The following HERPUD1 variants were observed in gnomAD, a reference collection of about 807,000 sequenced individuals.
The protein encoded by HERPUD1 is homocysteine inducible ER protein with ubiquitin like domain 1.
In HERPUD1, 17 loss-of-function variants were observed where a neutral mutation model predicts 45.0. The observed-to-expected ratio is 0.38, with a 90% confidence interval of 0.26 to 0.57. The LOEUF is 0.57. Ranked by LOEUF, HERPUD1 falls within the 20% of genes least tolerant of loss-of-function variation. HERPUD1 has a pLI of 0.72. For synonymous variants in HERPUD1, 164 were observed against 177.5 expected (o/e 0.92, Z 0.61); for missense variants, 420 against 490.5 (o/e 0.86, Z 1.36).
At position 56,943,916 on chromosome 16, in the gene HERPUD1, C is replaced by T. The variant is rs1433087725; in HGVS notation, c.*626C>T. 7 of 187,010 alleles carry T rather than the reference C, an allele frequency of 3.7e-5. No homozygotes were observed. The highest frequency in any genetic ancestry group is 1.6e-4 in the South Asian group (1 of 6,068). The allele number at this position is 187,010 out of a possible 1,614,324, so 11.6% of individuals were successfully genotyped here. On this transcript the variant is annotated 3_prime_UTR_variant, in exon 8 of 8. Coordinates refer to ENST00000439977, the MANE Select transcript of HERPUD1 (RefSeq NM_014685.4). ...CCTGTCATCCTAGCAGTTTACTCTG[C>T]GTTTGTTGTATCTAGACAGTCAACA... is the stretch of plus-strand genomic sequence containing the variant.
chr16:56,934,479 C>A (rs1366505711), intron 1 of HERPUD1, among the ~76,000 whole-genome samples: 3 of 152,014 alleles, frequency 2.0e-5, no homozygotes, highest in African/African-American at 7.3e-5. Context: ...CATTTGTATG[C>A]CAGGAAATTG....
intron 4 of HERPUD1, 170 bp downstream of exon 4, chr16:56,936,987 A>G: frequency 3.6e-6 from 2 of 559,424 alleles, no homozygotes; most frequent in Admixed American, 7.3e-5. Flanking sequence ...AACTTTTCTT[A>G]ATACACAGCC....
At chr16:56,942,826 CAG>C (rs1417815348) in intron 7 of HERPUD1, among the ~76,000 whole-genome samples, 1 of 152,120 alleles carries the variant, frequency 6.6e-6, no homozygotes, top group African/African-American at 2.4e-5. Flanking sequence ...GCCTGGGTGA[CAG>C]AGCGAGACTC....
At chr16:56,932,543 C>T (rs1567458767) in intron 1 of HERPUD1, 152 bp downstream of exon 1, 1 of 725,640 alleles carries the variant, frequency 1.4e-6, no homozygotes, top group Non-Finnish European at 2.2e-6. Flanking sequence ...GTCTCCCCTT[C>T]CCTGCCCCGC....
chr16:56,943,496 C>G lies in HERPUD1; in HGVS notation c.*206C>G, dbSNP rs575467301. 12 of 643,128 alleles carry G rather than the reference C, an allele frequency of 1.9e-5. No individual in the cohort carries two copies. In the African/African-American group the frequency reaches 2.0e-4, roughly 11 times the overall value. 39.8% of individuals were successfully genotyped at this position (643,128 alleles called of 1,614,324 possible). A position where few individuals can be genotyped will look rare whatever the true frequency, so the allele number is the denominator to read the frequency against. On this transcript the variant is annotated 3_prime_UTR_variant, in exon 8 of 8. Transcript: ENST00000439977. ...AAAAAATGCCCAAGGCTTCTCATGT[C>G]TTTATTCTGAAGAGCTTTAATATAT...
chr16:56,932,870 G>A (rs116384517), intron 1 of HERPUD1, among the ~76,000 whole-genome samples: 1,789 of 152,218 alleles, frequency 0.012, 38 homozygotes, highest in African/African-American at 0.041. Flanking sequence ...TCTCCTCCCT[G>A]GCCACCTTCC....
In HERPUD1 at chr16:56,939,117, T is replaced by A. The variant is rs374820432; in HGVS notation, c.432-120T>A. The A allele has an allele frequency of 3.5e-5, 39 of 1,102,230 alleles. 1 individual carries two copies. In the South Asian group the frequency reaches 5.2e-4, roughly 15 times the overall value. 68.3% of individuals were successfully genotyped at this position (1,102,230 alleles called of 1,614,324 possible). On this transcript the variant is annotated intron_variant, in intron 4 of 7. Transcript: ENST00000439977. ...GTCATACAGTCATTTACCATGTAAC[T>A]GCCGTAAATTCCATTCTTCTGTCTC...
At chr16:56,936,838 CT>C (rs1336323440) in intron 4 of HERPUD1, 21 bp downstream of exon 4, 1 of 1,611,464 alleles carries the variant, frequency 6.2e-7, no homozygotes, top group Non-Finnish European at 8.5e-7. Flanking sequence ...TAATAAAGAT[CT>C]TGGCTTATGC....
At position 56,939,261 on chromosome 16, in the gene HERPUD1, C is replaced by G; in HGVS notation, c.456C>G (p.Phe152Leu). ...ISRPEAAQQA[F>L]QGLGPGFSGY... ...GGCCTGAAGCTGCCCAGCAGGCATT[C>G]CAAGGCCTGGGTCCTGGTTTCTCCG... The change falls in exon 5 of 8, where the codon TTC (phenylalanine) becomes TTG (leucine). Residue 152 changes from phenylalanine (F) to leucine (L), a missense_variant. Coordinates refer to ENST00000439977, the MANE Select transcript of HERPUD1 (RefSeq NM_014685.4). The G allele has an allele frequency of 6.2e-7, 1 of 1,614,182 alleles. No homozygotes were observed. The highest frequency in any genetic ancestry group is 8.5e-7 in the Non-Finnish European group (1 of 1,180,016).
rs1282275184 is a variant in HERPUD1, at chr16:56,939,323, T to A, written c.518T>A (p.Phe173Tyr). The change falls in exon 5 of 8, where the codon TTC becomes TAC. Residue 173 changes from phenylalanine (F) to tyrosine (Y), a missense_variant. Transcript: ENST00000439977. The stretch of plus-strand genomic sequence containing the variant: ...TATGGGTGGCTTCAGCTTTCCTGGT[T>A]CCAGCAGATATATGCACGACAGTAC... ...TPYGWLQLSW[F>Y]QQIYARQYYM... 2 of 1,614,234 alleles carry A rather than the reference T, an allele frequency of 1.2e-6. No homozygotes were observed. The highest frequency in any genetic ancestry group is 3.3e-5 in the Admixed American group (2 of 60,032).
intron 1 of HERPUD1, among the ~76,000 whole-genome samples, chr16:56,933,673 T>C (rs1241003723): frequency 2.0e-5 from 3 of 152,242 alleles, no homozygotes; most frequent in African/African-American, 7.2e-5. Flanking sequence ...GAAACATACT[T>C]ATCATTTGTT....
intron 4 of HERPUD1, among the ~76,000 whole-genome samples, chr16:56,938,430 G>A (rs1269987018): frequency 6.6e-6 from 1 of 152,158 alleles, no homozygotes; most frequent in African/African-American, 2.4e-5. Context: ...AGGTGTGGTG[G>A]CGTGTGCCCG....
intron 4 of HERPUD1, among the ~76,000 whole-genome samples, chr16:56,938,477 G>T (rs1159864705): frequency 1.3e-5 from 2 of 151,776 alleles, no homozygotes; most frequent in Non-Finnish European, 2.9e-5. Flanking sequence ...GCAGGAGAAT[G>T]GTGTGAATCC....
At chr16:56,932,435 G>GC (rs1158266029) in intron 1 of HERPUD1, 44 bp downstream of exon 1, 15 of 1,472,404 alleles carry the variant, frequency 1.0e-5, no homozygotes, top group Non-Finnish European at 1.3e-5. Context: ...GTGGCCCCCC[G>GC]CCCTCTGCTG....
Position 56,943,539 on chromosome 16 carries a change from A to C in HERPUD1, c.*249A>C, listed in dbSNP as rs185612063. ...TAATATATACTCTATGTAGTTTAATAAGCACTGTACGTAGAAGGCCTTAGG... is the reference window on the plus strand; with the variant it reads ...TAATATATACTCTATGTAGTTTAATCAGCACTGTACGTAGAAGGCCTTAGG... On this transcript the variant is annotated 3_prime_UTR_variant, in exon 8 of 8. Transcript: ENST00000439977. 9.2e-6 allele frequency: 5 copies of C among 545,752 alleles called. No individual in the cohort carries two copies. The East Asian group carries it at 1.6e-4, about 17-fold the overall frequency. 33.8% of individuals were successfully genotyped at this position (545,752 alleles called of 1,614,324 possible).
chr16:56,939,070 T>C, intron 4 of HERPUD1, 167 bp from the exon 5 acceptor site: 2 of 675,484 alleles, frequency 3.0e-6, no homozygotes. Flanking sequence ...TAGTACCTTC[T>C]GTGCTTGTGG....
rs1384071092 is a variant in HERPUD1, at chr16:56,940,370, A to G, written c.905+125A>G. The G allele has an allele frequency of 5.8e-6, 4 of 689,356 alleles. No individual in the cohort carries two copies. In the East Asian group the frequency reaches 7.8e-5, roughly 13 times the overall value. The allele number at this position is 689,356 out of a possible 1,614,324, so 42.7% of individuals were successfully genotyped here. A position where few individuals can be genotyped will look rare whatever the true frequency, so the allele number is the denominator to read the frequency against. ...GCTCTGTCATTCAGGCTGGAGTACA[A>G]TGGCACAATCACTGCAATCTCCGCT... On this transcript the variant is annotated intron_variant, in intron 6 of 7. Transcript: ENST00000439977.
chr16:56,938,886 T>C (rs2055887087), intron 4 of HERPUD1, among the ~76,000 whole-genome samples: 2 of 152,178 alleles, frequency 1.3e-5, no homozygotes, highest in Non-Finnish European at 2.9e-5. Context: ...TTTGAGCTGC[T>C]CTCTAAAAGA....
rs773486898 is a variant in HERPUD1, at chr16:56,935,300, C to T, written c.213C>T (p.Asp71=). The T allele has an allele frequency of 1.2e-5, 20 of 1,613,670 alleles. No individual in the cohort carries two copies. The highest frequency in any genetic ancestry group is 1.0e-4 in the Admixed American group (6 of 60,000). Reference sequence around the variant, plus strand: ...TGTTGGATCACCAATGTCTCAGGGACTTGCTTCCAAAGGTACATCACTTAC... The same window carrying T: ...TGTTGGATCACCAATGTCTCAGGGATTTGCTTCCAAAGGTACATCACTTAC... ...KLLLDHQCLR[D]LLPKQEKRHV... Residue 71 remains aspartate (D), a synonymous_variant, in exon 2 of 8, where the codon GAC becomes GAT. Transcript: ENST00000439977.
Sources: gnomAD v4.1 joint callset for allele counts (sites outside exome capture counted in the v4.1 genomes callset) on GRCh38, gnomAD v4.1.1 for gene constraint, MANE v1.5 for transcripts, NCBI Gene and HGNC (gene_info 2026-07-23, HGNC 2026-07-21) for gene names.